STAG1: variants seen among roughly 807,000 people sequenced by gnomAD.
STAG1 encodes STAG1 cohesin complex component.
In STAG1, 26 loss-of-function variants were observed where a neutral mutation model predicts 170.9. The ratio of observed to expected loss-of-function variants is 0.15; its 90% confidence interval spans 0.11 to 0.21. STAG1 has a LOEUF of 0.21. Ranked by LOEUF, STAG1 falls within the 10% of genes least tolerant of loss-of-function variation. The pLI, the probability that STAG1 is intolerant of heterozygous loss-of-function variation, is 1.00. For synonymous variants in STAG1, 514 were observed against 497.7 expected (o/e 1.03, Z -0.44); for missense variants, 964 against 1,509.5 (o/e 0.64, Z 5.99).
chr3:136,342,917 A>G (rs559360169), intron 30 of STAG1, among the ~76,000 whole-genome samples: 10 of 152,342 alleles, frequency 6.6e-5, no homozygotes, highest in South Asian at 4.1e-4. Flanking sequence ...GATGCTTGCC[A>G]TAAGGCAAAC....
intron 1 of STAG1, among the ~76,000 whole-genome samples, chr3:136,685,513 C>T (rs1447852541): frequency 2.6e-5 from 4 of 152,196 alleles, no homozygotes; most frequent in African/African-American, 9.6e-5. Flanking sequence ...TATGTCCACA[C>T]ACGTTTATAG....
chr3:136,419,742 C>T (rs564209743), intron 20 of STAG1, among the ~76,000 whole-genome samples: 96 of 151,522 alleles, frequency 6.3e-4, no homozygotes, highest in African/African-American at 2.3e-3. Flanking sequence ...AGATTACAGG[C>T]ATAAGCCACC....
At chr3:136,572,968 G>T (rs1375829820) in intron 4 of STAG1, among the ~76,000 whole-genome samples, 1 of 152,148 alleles carries the variant, frequency 6.6e-6, no homozygotes. Flanking sequence ...TTGAGGCCAG[G>T]AGTTCGAGAG....
At chr3:136,486,999 C>CAAAAAAAAAAA (rs536392595) in intron 9 of STAG1, among the ~76,000 whole-genome samples, 3 of 54,662 alleles carry the variant, frequency 5.5e-5, no homozygotes, top group African/African-American at 2.8e-4. Context: ...TTTATTTCTT[C>CAAAAAAAAAAA]AAAAAAAAAA....
chr3:136,614,708 A>AT (rs1939494178), intron 3 of STAG1, among the ~76,000 whole-genome samples: 1 of 152,194 alleles, frequency 6.6e-6, no homozygotes, highest in Non-Finnish European at 1.5e-5. Flanking sequence ...AAAATAACTT[A>AT]TCCCAAATAC....
At chr3:136,345,533 G>A (rs935028089) in intron 29 of STAG1, among the ~76,000 whole-genome samples, 4 of 141,870 alleles carry the variant, frequency 2.8e-5, no homozygotes, top group Non-Finnish European at 6.0e-5. Flanking sequence ...GAGCTCAAGC[G>A]ATCCACCCAT....
chr3:136,589,948 A>G (rs1469700732), intron 4 of STAG1, among the ~76,000 whole-genome samples: 1 of 151,580 alleles, frequency 6.6e-6, no homozygotes, highest in Non-Finnish European at 1.5e-5. Context: ...AAAAATAAAA[A>G]TACATAATAA....
rs67810422 is a variant in STAG1 at position 136,633,962 on chromosome 3, TAAAAAAAAAAAAAA to T, written c.-83-2995_-83-2982del. Among the ~76,000 whole-genome samples the T allele has an allele frequency of 1.2e-3, 58 of 50,356 alleles. 1 individual carries two copies. Among genetic ancestry groups the T allele is most frequent in the Admixed American group, 4.1e-3 (11 of 2,690 alleles). 33.0% of individuals were successfully genotyped at this position (50,356 alleles called of 152,430 possible). On this transcript the variant is annotated intron_variant, in intron 1 of 33. Coordinates refer to ENST00000383202, the MANE Select transcript of STAG1 (RefSeq NM_005862.3). The stretch of plus-strand genomic sequence containing the variant: ...AACATGGTGAAACCCTGTCTCTACT[TAAAAAAAAAAAAAA>T]AAAAAAAAAAAAAAATTAGCCAGGC...
At chr3:136,613,313 CAAAAAAAAAAA>C (rs60449608) in intron 3 of STAG1, among the ~76,000 whole-genome samples, 2 of 59,758 alleles carry the variant, frequency 3.3e-5, no homozygotes, top group African/African-American at 7.0e-5. Flanking sequence ...GACTCCGTCT[CAAAAAAAAAAA>C]AAAAAAAAAA....
chr3:136,692,408 G>A (rs1443322477), intron 1 of STAG1, among the ~76,000 whole-genome samples: 3 of 151,698 alleles, frequency 2.0e-5, no homozygotes, highest in Non-Finnish European at 2.9e-5. Context: ...GCCAAGGTGG[G>A]CAGATCACCT....
intron 1 of STAG1, among the ~76,000 whole-genome samples, chr3:136,733,831 G>A (rs968030456): frequency 1.3e-5 from 2 of 152,144 alleles, no homozygotes; most frequent in Non-Finnish European, 2.9e-5. Flanking sequence ...TTGCAGGCCC[G>A]GCACAGTGGC....
At chr3:136,702,305 T>A (rs866728751) in intron 1 of STAG1, among the ~76,000 whole-genome samples, 1 of 152,192 alleles carries the variant, frequency 6.6e-6, no homozygotes, top group Middle Eastern at 3.2e-3. Flanking sequence ...TTATTTCCAA[T>A]AAATATTGGT....
intron 15 of STAG1, among the ~76,000 whole-genome samples, chr3:136,440,245 C>G (rs2088592143): frequency 6.6e-6 from 1 of 152,122 alleles, no homozygotes; most frequent in South Asian, 2.1e-4. Flanking sequence ...TTACACCATT[C>G]TCCTGCCTCA....
At chr3:136,397,368 A>G (rs1433917326) in intron 22 of STAG1, among the ~76,000 whole-genome samples, 2 of 152,210 alleles carry the variant, frequency 1.3e-5, no homozygotes, top group Non-Finnish European at 2.9e-5. Context: ...AAGTTCCTTC[A>G]GAAGATATTT....
chr3:136,545,989 C>T (rs1276756585), intron 5 of STAG1, among the ~76,000 whole-genome samples: 1 of 151,884 alleles, frequency 6.6e-6, no homozygotes, highest in Non-Finnish European at 1.5e-5. Context: ...GTTAACTAAT[C>T]TTTCAAGACT....
chr3:136,492,251 T>C (rs1481631046), intron 9 of STAG1, among the ~76,000 whole-genome samples: 1 of 152,246 alleles, frequency 6.6e-6, no homozygotes, highest in African/African-American at 2.4e-5. Context: ...TAGTTTTGAA[T>C]AGTTCAGTCA....
chr3:136,657,194 T>C (rs1006351370), intron 1 of STAG1, among the ~76,000 whole-genome samples: 3,705 of 134,194 alleles, frequency 0.028, 142 homozygotes, highest in African/African-American at 0.085. Flanking sequence ...TCTTTCTTTT[T>C]TTTTTTTTTT....
chr3:136,351,656 C>G (rs1936438072), intron 28 of STAG1, among the ~76,000 whole-genome samples: 2 of 152,154 alleles, frequency 1.3e-5, no homozygotes, highest in African/African-American at 4.8e-5. Flanking sequence ...CTAGGAGCAA[C>G]TCCTAGGAAG....
At chr3:136,398,340 A>G (rs1203040494) in intron 22 of STAG1, among the ~76,000 whole-genome samples, 1 of 151,060 alleles carries the variant, frequency 6.6e-6, no homozygotes, top group African/African-American at 2.4e-5. Flanking sequence ...CTGGTCTTGA[A>G]CTCCTGACCT....
Sources: allele counts gnomAD v4.1 joint callset (sites outside exome capture counted in the v4.1 genomes callset), GRCh38; gene constraint gnomAD v4.1.1; transcripts MANE v1.5; gene names NCBI Gene and HGNC (gene_info 2026-07-23, HGNC 2026-07-21).